Variants in XKR6 observed in about 807,000 individuals in gnomAD.
The protein encoded by XKR6 is XK related 6.
Under a neutral mutation model 56.7 loss-of-function variants are expected in XKR6, and 22 were observed. The observed-to-expected ratio is 0.39, with a 90% confidence interval of 0.28 to 0.55. XKR6 has a LOEUF of 0.55. Among genes scored for constraint, XKR6 ranks in the 20% least tolerant of loss-of-function variants. XKR6 has a pLI of 0.66. For missense variants in XKR6, 852 were observed against 889.0 expected, an observed-to-expected ratio of 0.96 and a Z score of 0.53; for synonymous variants, 524 against 387.8, an observed-to-expected ratio of 1.35 and a Z score of -4.13.
At chr8:10,913,287 C>T (rs533509855) in intron 2 of XKR6, among the ~76,000 whole-genome samples, 1 of 152,126 alleles carries the variant, frequency 6.6e-6, no homozygotes, top group East Asian at 1.9e-4. Flanking sequence ...CCTTTTTCGC[C>T]TCTGTACCCC....
intron 1 of XKR6, among the ~76,000 whole-genome samples, chr8:11,064,577 T>G (rs566628622): frequency 6.6e-6 from 1 of 152,386 alleles, no homozygotes; most frequent in African/African-American, 2.4e-5. Flanking sequence ...ACTTTTCATT[T>G]TCTGCCATCT....
At chr8:11,162,956 T>C (rs1040055619) in intron 1 of XKR6, among the ~76,000 whole-genome samples, 1 of 152,228 alleles carries the variant, frequency 6.6e-6, no homozygotes, top group African/African-American at 2.4e-5. Flanking sequence ...GCTAATCGTT[T>C]TGGACCATGA....
chr8:11,146,309 G>C (rs536034286), intron 1 of XKR6, among the ~76,000 whole-genome samples: 3 of 152,280 alleles, frequency 2.0e-5, no homozygotes, highest in African/African-American at 7.2e-5. Context: ...TCTAAAATAT[G>C]ATACCAAAAA....
chr8:11,137,170 C>G (rs950924605), intron 1 of XKR6: 11 of 164,750 alleles, frequency 6.7e-5, no homozygotes, highest in African/African-American at 2.7e-4. Context: ...TAGCTCCAGT[C>G]CATCCATCCA....
intron 1 of XKR6, among the ~76,000 whole-genome samples, chr8:11,019,676 G>A (rs1290595815): frequency 6.6e-6 from 1 of 152,202 alleles, no homozygotes. Context: ...ATGGTGAGCT[G>A]AGGCTGCAGG....
intron 1 of XKR6, among the ~76,000 whole-genome samples, chr8:10,985,996 T>C (rs1462273245): frequency 6.6e-6 from 1 of 152,032 alleles, no homozygotes; most frequent in Non-Finnish European, 1.5e-5. Flanking sequence ...TTCTGAAAAA[T>C]ATAGGAGAGA....
intron 1 of XKR6, among the ~76,000 whole-genome samples, chr8:10,928,066 C>T (rs1465442282): frequency 6.6e-6 from 1 of 152,230 alleles, no homozygotes; most frequent in Non-Finnish European, 1.5e-5. Context: ...GTCCACAGTA[C>T]ACAACCGAGG....
chr8:10,996,623 T>C (rs1249939528), intron 1 of XKR6, among the ~76,000 whole-genome samples: 1 of 152,094 alleles, frequency 6.6e-6, no homozygotes. Context: ...TAAATGGGAA[T>C]ATATGTGAGG....
At chr8:11,146,623 CA>C (rs544514802) in intron 1 of XKR6, among the ~76,000 whole-genome samples, 4,159 of 61,208 alleles carry the variant, frequency 0.068, 61 homozygotes, top group African/African-American at 0.11. Flanking sequence ...GAGACCCTGT[CA>C]AAAAAAAAAA....
intron 1 of XKR6, among the ~76,000 whole-genome samples, chr8:11,118,199 G>GA (rs1204910732): frequency 3.3e-5 from 5 of 151,774 alleles, no homozygotes; most frequent in Non-Finnish European, 7.4e-5. Flanking sequence ...AAAAATGAAA[G>GA]AAAAAATCTG....
chr8:11,143,678 G>T (rs1012479725), intron 1 of XKR6, among the ~76,000 whole-genome samples: 1 of 152,184 alleles, frequency 6.6e-6, no homozygotes, highest in Non-Finnish European at 1.5e-5. Context: ...TACTTTGGAG[G>T]AAGGGAAGGG....
rs554304290 is a variant in XKR6, at chr8:10,952,731, T to A, written c.765-27901A>T. ...TGGAGGTGGGGCCTGGTGGGAGGTG[T>A]TTGGATCACGGGGGCGGATCCTTCA... On this transcript the variant is annotated intron_variant, in intron 1 of 2. Coordinates refer to ENST00000416569, the MANE Select transcript of XKR6 (RefSeq NM_173683.4). Among the ~76,000 whole-genome samples the A allele has an allele frequency of 2.0e-5, 3 of 152,320 alleles. No individual in the cohort carries two copies. The East Asian group carries it at 5.8e-4, about 29-fold the overall frequency.
chr8:11,018,731 A>G (rs1478511372), intron 1 of XKR6, among the ~76,000 whole-genome samples: 3 of 152,126 alleles, frequency 2.0e-5, no homozygotes, highest in Non-Finnish European at 2.9e-5. Context: ...TTCTTCCTGA[A>G]ACATGGTCCA....
intron 1 of XKR6, among the ~76,000 whole-genome samples, chr8:10,991,601 G>A (rs927914777): frequency 6.6e-6 from 1 of 152,136 alleles, no homozygotes; most frequent in African/African-American, 2.4e-5. Context: ...CATACTCTAT[G>A]GAATCTTCCA....
At chr8:10,918,806 C>G (rs1008417303) in intron 2 of XKR6, among the ~76,000 whole-genome samples, 6 of 152,164 alleles carry the variant, frequency 3.9e-5, no homozygotes, top group Non-Finnish European at 7.4e-5. Flanking sequence ...ACCTCTCTTT[C>G]TATTACCACC....
At chr8:10,925,181 G>A (rs1471037088) in intron 1 of XKR6, among the ~76,000 whole-genome samples, 1 of 152,170 alleles carries the variant, frequency 6.6e-6, no homozygotes, top group Non-Finnish European at 1.5e-5. Context: ...GGACAGGGGT[G>A]GGCTTTCAGG....
intron 1 of XKR6, among the ~76,000 whole-genome samples, chr8:11,167,926 A>C (rs1802170138): frequency 6.6e-6 from 1 of 151,726 alleles, no homozygotes; most frequent in African/African-American, 2.4e-5. Context: ...CACACAAAAA[A>C]AACAGTACCA....
At chr8:10,912,466 TAG>T (rs1172368505) in intron 2 of XKR6, among the ~76,000 whole-genome samples, 2,042 of 98,230 alleles carry the variant, frequency 0.021, 23 homozygotes, top group Middle Eastern at 0.045. Flanking sequence ...TATATATATA[TAG>T]AGAGAGAGAG....
intron 1 of XKR6, among the ~76,000 whole-genome samples, chr8:10,928,728 G>T (rs960558500): frequency 1.3e-5 from 2 of 152,190 alleles, no homozygotes; most frequent in Non-Finnish European, 2.9e-5. Context: ...CGCTCCGAGG[G>T]GGGAACCAAG....
Sources: gnomAD v4.1 joint callset for allele counts (sites outside exome capture counted in the v4.1 genomes callset) on GRCh38, gnomAD v4.1.1 for gene constraint, MANE v1.5 for transcripts, NCBI Gene and HGNC (gene_info 2026-07-23, HGNC 2026-07-21) for gene names.